PRKG1: variants seen among roughly 807,000 people sequenced by gnomAD.
The protein encoded by PRKG1 is protein kinase cGMP-dependent 1.
In PRKG1, 35 loss-of-function variants were observed where a neutral mutation model predicts 88.1. The observed-to-expected ratio is 0.40, with a 90% CI of 0.30 to 0.53. PRKG1 has a LOEUF of 0.53. Ranked by LOEUF, PRKG1 falls within the 20% of genes least tolerant of loss-of-function variation. The pLI is 0.59. For synonymous variants in PRKG1, 303 were observed against 292.5 expected (o/e 1.04, Z -0.37); for missense variants, 540 against 839.8 (o/e 0.64, Z 4.41).
chr10:51,299,202 T>C (rs1488999105), intron 2 of PRKG1, among the ~76,000 whole-genome samples: 1 of 152,196 alleles, frequency 6.6e-6, no homozygotes, highest in East Asian at 1.9e-4. Context: ...TTTTTATCTG[T>C]ATTTATTTTT....
intron 2 of PRKG1, among the ~76,000 whole-genome samples, chr10:51,199,316 T>C (rs1380412945): frequency 6.6e-6 from 1 of 152,218 alleles, no homozygotes; most frequent in African/African-American, 2.4e-5. Flanking sequence ...TAACCATGTG[T>C]TCTTCTGAAT....
intron 7 of PRKG1, among the ~76,000 whole-genome samples, chr10:52,070,577 G>A (rs10824014): frequency 0.27 from 40,746 of 151,544 alleles, 5,576 homozygotes; most frequent in South Asian, 0.31. Context: ...TCTTTCCCCC[G>A]CTTTCTCTTT....
chr10:51,126,373 ATAG>A (rs1845417812), intron 1 of PRKG1, among the ~76,000 whole-genome samples: 1 of 130,708 alleles, frequency 7.7e-6, no homozygotes, highest in East Asian at 2.3e-4. Context: ...TTTATATTTT[ATAG>A]TATTTATATA....
chr10:52,109,564 C>T (rs1021519422), intron 7 of PRKG1, among the ~76,000 whole-genome samples: 1 of 152,002 alleles, frequency 6.6e-6, no homozygotes, highest in African/African-American at 2.4e-5. Context: ...GTCAGGAGTT[C>T]AAGACCAGCC....
chr10:52,283,316 A>T (rs574049935), intron 14 of PRKG1, among the ~76,000 whole-genome samples: 1 of 152,198 alleles, frequency 6.6e-6, no homozygotes, highest in African/African-American at 2.4e-5. Flanking sequence ...GGGCAATGGA[A>T]AAAAAGAGTA....
intron 3 of PRKG1, among the ~76,000 whole-genome samples, chr10:51,557,668 A>G (rs1385648226): frequency 1.3e-5 from 2 of 152,188 alleles, no homozygotes; most frequent in Middle Eastern, 3.4e-3. Flanking sequence ...AAGATAATGT[A>G]CCACAAAGCT....
chr10:51,145,230 A>G lies in PRKG1; in HGVS notation c.312-7934A>G, dbSNP rs144502411. On this transcript the variant is annotated intron_variant, in intron 1 of 17. Coordinates refer to ENST00000373980, the MANE Select transcript of PRKG1 (RefSeq NM_006258.4). ...TGAGGAACTTGTTTATAGTGTATTC[A>G]TGCTGACCTTGTTGGAAACAAATGA... is the stretch of plus-strand genomic sequence containing the variant. 5.8e-3 allele frequency among the ~76,000 whole-genome samples: 880 copies of G among 152,320 alleles called. 7 individuals are homozygous for G. The highest frequency in any genetic ancestry group is 8.8e-3 in the Non-Finnish European group (596 of 68,022).
At chr10:51,154,502 T>C (rs978483734) in intron 2 of PRKG1, among the ~76,000 whole-genome samples, 21 of 152,116 alleles carry the variant, frequency 1.4e-4, no homozygotes, top group South Asian at 6.2e-4. Flanking sequence ...ATGAGATAAT[T>C]TGTATAATGT....
chr10:52,203,589 C>G (rs2132782711), intron 9 of PRKG1, among the ~76,000 whole-genome samples: 1 of 152,256 alleles, frequency 6.6e-6, no homozygotes, highest in South Asian at 2.1e-4. Flanking sequence ...TTTTCTGCCT[C>G]AATGATCTAT....
At chr10:52,166,582 C>T (rs1324404710) in intron 9 of PRKG1, among the ~76,000 whole-genome samples, 9 of 148,700 alleles carry the variant, frequency 6.1e-5, no homozygotes, top group Admixed American at 2.0e-4. Flanking sequence ...TACAGGCGCC[C>T]GCCACTATGC....
intron 2 of PRKG1, among the ~76,000 whole-genome samples, chr10:51,321,269 T>C (rs1841448082): frequency 6.6e-6 from 1 of 152,176 alleles, no homozygotes; most frequent in African/African-American, 2.4e-5. Context: ...AGTTAGCTCA[T>C]CTATAAAATG....
intron 2 of PRKG1, among the ~76,000 whole-genome samples, chr10:51,431,207 G>C (rs1838760697): frequency 6.6e-6 from 1 of 152,156 alleles, no homozygotes; most frequent in Non-Finnish European, 1.5e-5. Flanking sequence ...TATACCCATG[G>C]GATTTTAATT....
At chr10:51,956,697 T>A (rs1310457981) in intron 5 of PRKG1, among the ~76,000 whole-genome samples, 1 of 147,624 alleles carries the variant, frequency 6.8e-6, no homozygotes, top group East Asian at 2.1e-4. Flanking sequence ...CTATTTCATA[T>A]TCTGATATAA....
intron 3 of PRKG1, among the ~76,000 whole-genome samples, chr10:51,734,480 G>A (rs904209497): frequency 1.3e-5 from 2 of 152,010 alleles, no homozygotes; most frequent in African/African-American, 4.8e-5. Context: ...ATAAATATTT[G>A]TTGAATAAGG....
intron 2 of PRKG1, among the ~76,000 whole-genome samples, chr10:51,411,821 T>C (rs1394432882): frequency 6.6e-6 from 1 of 152,218 alleles, no homozygotes; most frequent in Non-Finnish European, 1.5e-5. Flanking sequence ...AAAGTTGCTA[T>C]TGGGGATCAT....
At chr10:51,735,854 C>CATATAT (rs146700314) in intron 3 of PRKG1, among the ~76,000 whole-genome samples, 2,969 of 114,064 alleles carry the variant, frequency 0.026, 54 homozygotes, top group Non-Finnish European at 0.032. Context: ...GGCCTGACTG[C>CATATAT]ATATATATAT....
intron 5 of PRKG1, among the ~76,000 whole-genome samples, chr10:52,001,670 A>G (rs991201372): frequency 2.0e-5 from 3 of 151,996 alleles, no homozygotes; most frequent in Non-Finnish European, 4.4e-5. Flanking sequence ...GCAAAAGTAA[A>G]TACTTAAAAA....
intron 7 of PRKG1, among the ~76,000 whole-genome samples, chr10:52,132,163 C>A (rs1239459457): frequency 6.6e-6 from 1 of 152,036 alleles, no homozygotes; most frequent in Non-Finnish European, 1.5e-5. Context: ...AGTAGAAAGT[C>A]ATGCCATGTT....
intron 3 of PRKG1, among the ~76,000 whole-genome samples, chr10:51,660,923 T>C (rs958095512): frequency 1.3e-5 from 2 of 152,148 alleles, no homozygotes; most frequent in Non-Finnish European, 2.9e-5. Flanking sequence ...GTTAATATAG[T>C]CCTCTATTTT....
Sources: allele counts gnomAD v4.1 joint callset (sites outside exome capture counted in the v4.1 genomes callset), GRCh38; gene constraint gnomAD v4.1.1; transcripts MANE v1.5; gene names NCBI Gene and HGNC (gene_info 2026-07-23, HGNC 2026-07-21).